The following LRMDA variants were observed in gnomAD, a reference collection of about 807,000 sequenced individuals.
LRMDA encodes the protein leucine-rich melanocyte differentiation-associated protein.
Under a neutral mutation model 29.8 loss-of-function variants are expected in LRMDA, and 18 were observed. The observed-to-expected ratio is 0.60, with a 90% CI of 0.42 to 0.90. The LOEUF (loss-of-function observed/expected upper bound fraction) is 0.90, where lower values mean the gene tolerates loss of function less well. Ranked by LOEUF, LRMDA falls within the 40% of genes least tolerant of loss-of-function variation. The pLI is 0.00. For missense variants in LRMDA, 273 were observed against 273.9 expected, an observed-to-expected ratio of 1.00 and a Z score of 0.02; for synonymous variants, 125 against 109.4, an observed-to-expected ratio of 1.14 and a Z score of -0.89.
chr10:75,731,445 T>C (rs1263931940), intron 2 of LRMDA, among the ~76,000 whole-genome samples: 1 of 152,258 alleles, frequency 6.6e-6, no homozygotes, highest in African/African-American at 2.4e-5. Flanking sequence ...TTAAGCTCCA[T>C]GAAGTAGAAC....
intron 6 of LRMDA, among the ~76,000 whole-genome samples, chr10:76,427,697 T>C (rs1218119086): frequency 6.6e-6 from 1 of 152,210 alleles, no homozygotes. Context: ...TCAAAGGGAA[T>C]GCTTCCAGTT....
chr10:76,281,363 G>A (rs1840201997), intron 5 of LRMDA, among the ~76,000 whole-genome samples: 1 of 152,174 alleles, frequency 6.6e-6, no homozygotes, highest in African/African-American at 2.4e-5. Flanking sequence ...TGAGAATAGG[G>A]AACAGTGAAA....
chr10:76,522,725 A>G (rs1361791459), intron 6 of LRMDA, among the ~76,000 whole-genome samples: 1 of 152,128 alleles, frequency 6.6e-6, no homozygotes, highest in Non-Finnish European at 1.5e-5. Context: ...TTCTAGGATG[A>G]TCCCCCGCCA....
rs549083784 is a variant in LRMDA, at chr10:75,897,927, G to A, written c.132-138081G>A. Among the ~76,000 whole-genome samples, 345 of 144,732 alleles carry A rather than the reference G, an allele frequency of 2.4e-3. 1 individual carries two copies. The highest frequency in any genetic ancestry group is 6.6e-3 in the African/African-American group (260 of 39,326). 94.9% of individuals were successfully genotyped at this position (144,732 alleles called of 152,430 possible). A position where few individuals can be genotyped will look rare whatever the true frequency, so the allele number is the denominator to read the frequency against. On this transcript the variant is annotated intron_variant, in intron 2 of 6. Transcript: ENST00000611255. ...AACCTCCACCTCCCAGGTTCAAGCA[G>A]TTCTCTGCCCCAGTCTCCTGAGTAG...
chr10:75,523,627 T>C (rs550315746), intron 2 of LRMDA, among the ~76,000 whole-genome samples: 2 of 152,308 alleles, frequency 1.3e-5, no homozygotes, highest in African/African-American at 4.8e-5. Context: ...ATCAGGACCC[T>C]TTTGAAAACG....
intron 2 of LRMDA, among the ~76,000 whole-genome samples, chr10:75,627,720 A>G (rs1356213237): frequency 1.3e-5 from 2 of 152,162 alleles, no homozygotes; most frequent in African/African-American, 4.8e-5. Flanking sequence ...GGAGAAGAAA[A>G]TCGCCATCTC....
chr10:76,044,439 G>GTTTTTTT (rs3042545), intron 3 of LRMDA, among the ~76,000 whole-genome samples: 1 of 137,020 alleles, frequency 7.3e-6, no homozygotes. Flanking sequence ...TTTTTTCTTT[G>GTTTTTTT]TTTTTTTTTT....
At chr10:76,434,525 T>G (rs937889245) in intron 6 of LRMDA, among the ~76,000 whole-genome samples, 59 of 152,152 alleles carry the variant, frequency 3.9e-4, no homozygotes, top group African/African-American at 1.2e-3. Flanking sequence ...ACCACTTAGC[T>G]AACCCATAAA....
chr10:76,488,183 T>G (rs756739408), intron 6 of LRMDA, among the ~76,000 whole-genome samples: 16 of 151,842 alleles, frequency 1.1e-4, no homozygotes, highest in Non-Finnish European at 2.2e-4. Context: ...TCTGTTTTTC[T>G]TTTCCTTTTC....
chr10:76,000,241 C>A (rs1261455868), intron 2 of LRMDA, among the ~76,000 whole-genome samples: 1 of 152,056 alleles, frequency 6.6e-6, no homozygotes, highest in Non-Finnish European at 1.5e-5. Context: ...ATATGTGTGG[C>A]AAGTCATCTT....
At chr10:76,282,377 C>T (rs913840817) in intron 5 of LRMDA, among the ~76,000 whole-genome samples, 5 of 152,158 alleles carry the variant, frequency 3.3e-5, no homozygotes, top group African/African-American at 1.2e-4. Flanking sequence ...CCATCATAGG[C>T]TTGTGTTCCA....
intron 2 of LRMDA, among the ~76,000 whole-genome samples, chr10:75,536,561 C>G (rs1839950523): frequency 6.6e-6 from 1 of 152,090 alleles, no homozygotes; most frequent in African/African-American, 2.4e-5. Flanking sequence ...ACTTGCTATT[C>G]TTTTATTGTA....
At chr10:76,504,248 G>A (rs561916014) in intron 6 of LRMDA, among the ~76,000 whole-genome samples, 38 of 151,996 alleles carry the variant, frequency 2.5e-4, no homozygotes, top group Admixed American at 4.6e-4. Context: ...TAATGATTGA[G>A]CATATGGTTG....
chr10:76,259,800 CT>C (rs1013152393), intron 5 of LRMDA, among the ~76,000 whole-genome samples: 3 of 152,002 alleles, frequency 2.0e-5, no homozygotes, highest in African/African-American at 7.2e-5. Context: ...TATTCTCTTG[CT>C]TAATTGATCC....
At chr10:76,478,788 A>G (rs867064471) in intron 6 of LRMDA, among the ~76,000 whole-genome samples, 2 of 151,962 alleles carry the variant, frequency 1.3e-5, no homozygotes, top group African/African-American at 2.4e-5. Flanking sequence ...TCAGCAAACT[A>G]TATCAAGGAG....
intron 2 of LRMDA, among the ~76,000 whole-genome samples, chr10:75,632,850 C>A (rs1053476779): frequency 2.8e-5 from 4 of 142,360 alleles, no homozygotes; most frequent in Non-Finnish European, 6.0e-5. Flanking sequence ...CAGGCAGCCA[C>A]GTCTGCCCCA....
chr10:76,544,930 C>T (rs914286118), intron 6 of LRMDA, among the ~76,000 whole-genome samples: 4 of 152,162 alleles, frequency 2.6e-5, no homozygotes, highest in Non-Finnish European at 4.4e-5. Context: ...TATATATCAT[C>T]AGATTCCCTT....
At chr10:75,857,176 A>C (rs1844842145) in intron 2 of LRMDA, among the ~76,000 whole-genome samples, 1 of 152,218 alleles carries the variant, frequency 6.6e-6, no homozygotes, top group Non-Finnish European at 1.5e-5. Context: ...CTGAGGATTA[A>C]ATAACAGGGA....
intron 5 of LRMDA, among the ~76,000 whole-genome samples, chr10:76,288,162 T>G (rs187256549): frequency 2.2e-4 from 33 of 152,272 alleles, no homozygotes; most frequent in African/African-American, 7.7e-4. Flanking sequence ...GATGAGGTTG[T>G]GGAGGAAAGG....
Sources: allele counts gnomAD v4.1 joint callset (sites outside exome capture counted in the v4.1 genomes callset), GRCh38; gene constraint gnomAD v4.1.1; transcripts MANE v1.5; gene names NCBI Gene and HGNC (gene_info 2026-07-23, HGNC 2026-07-21).